The following BICC1 variants were observed in gnomAD, a reference collection of about 807,000 sequenced individuals.
The protein encoded by BICC1 is protein bicaudal C homolog 1.
Under a neutral mutation model 111.0 loss-of-function variants are expected in BICC1, and 43 were observed. The observed-to-expected ratio is 0.39, with a 90% CI of 0.30 to 0.50. The LOEUF (loss-of-function observed/expected upper bound fraction) is 0.50, where lower values mean the gene tolerates loss of function less well. BICC1 is among the 20% of genes least tolerant of loss of function. The pLI is 0.88. For missense variants in BICC1, 1,091 were observed against 1,203.2 expected (o/e 0.91, Z 1.38); for synonymous variants, 467 against 434.4 (o/e 1.07, Z -0.93).
At chr10:58,567,640 T>C (rs1350731985) in intron 1 of BICC1, among the ~76,000 whole-genome samples, 3 of 152,028 alleles carry the variant, frequency 2.0e-5, no homozygotes, top group African/African-American at 7.2e-5. Context: ...TCAGCATACT[T>C]TTTTGAGCCT....
chr10:58,536,032 A>T (rs1842817932), intron 1 of BICC1, among the ~76,000 whole-genome samples: 1 of 151,692 alleles, frequency 6.6e-6, no homozygotes, highest in Non-Finnish European at 1.5e-5. Context: ...AGATAAAATA[A>T]TTCTAAATAT....
intron 2 of BICC1, among the ~76,000 whole-genome samples, chr10:58,658,803 G>C (rs1184260865): frequency 1.3e-5 from 2 of 152,004 alleles, no homozygotes; most frequent in African/African-American, 4.8e-5. Context: ...CCTGGTTTCT[G>C]GCACAAGCAG....
At chr10:58,530,486 C>T (rs773068116) in intron 1 of BICC1, among the ~76,000 whole-genome samples, 4 of 151,602 alleles carry the variant, frequency 2.6e-5, no homozygotes, top group Non-Finnish European at 5.9e-5. Context: ...AAGACTTAGA[C>T]GTATAGATAT....
intron 3 of BICC1, among the ~76,000 whole-genome samples, chr10:58,731,911 A>G (rs563605943): frequency 5.8e-4 from 88 of 152,360 alleles, no homozygotes; most frequent in African/African-American, 2.0e-3. Flanking sequence ...TTACAATTCA[A>G]AATGAGATTT....
intron 2 of BICC1, among the ~76,000 whole-genome samples, chr10:58,653,144 A>T (rs532931701): frequency 6.6e-6 from 1 of 152,186 alleles, no homozygotes; most frequent in South Asian, 2.1e-4. Flanking sequence ...ACTCTAAAAT[A>T]TGAAGTATAT....
chr10:58,650,404 A>T (rs1255213323), intron 2 of BICC1: 1 of 152,238 alleles, frequency 6.6e-6, no homozygotes, highest in Non-Finnish European at 1.5e-5. Context: ...ATGTTAATAC[A>T]TGAGAAAGAG....
chr10:58,551,471 ATACT>A lies in BICC1; in HGVS notation c.190+38141_190+38144del, dbSNP rs139056238. On this transcript the variant is annotated intron_variant, in intron 1 of 20. Transcript: ENST00000373886. The stretch of plus-strand genomic sequence containing the variant: ...CTAATTAACATATCCATTACCTTAC[ATACT>A]TAATTTTTGTGTGTGTGGTGAACAC... Among the ~76,000 whole-genome samples, 738 of 152,292 alleles carry A rather than the reference ATACT, an allele frequency of 4.8e-3. 9 individuals carry two copies. The highest frequency in any genetic ancestry group is 0.035 in the East Asian group (183 of 5,184).
chr10:58,684,004 T>A (rs1038457459), intron 2 of BICC1, among the ~76,000 whole-genome samples: 1 of 152,222 alleles, frequency 6.6e-6, no homozygotes, highest in African/African-American at 2.4e-5. Context: ...TAAAATTGGC[T>A]GTGGATTTGT....
intron 1 of BICC1, among the ~76,000 whole-genome samples, chr10:58,586,551 G>A (rs1299580651): frequency 4.0e-5 from 6 of 150,664 alleles, no homozygotes; most frequent in Non-Finnish European, 8.9e-5. Context: ...GGGCGCGGAG[G>A]TTGCAGTGAG....
intron 3 of BICC1, among the ~76,000 whole-genome samples, chr10:58,718,546 C>G (rs1840821699): frequency 6.6e-6 from 1 of 152,092 alleles, no homozygotes; most frequent in Non-Finnish European, 1.5e-5. Context: ...ACTGTTCCCT[C>G]CTCGCCACCA....
At chr10:58,750,944 T>C (rs1841974435) in intron 3 of BICC1, among the ~76,000 whole-genome samples, 1 of 152,172 alleles carries the variant, frequency 6.6e-6, no homozygotes, top group African/African-American at 2.4e-5. Context: ...GGAAAGTCTT[T>C]TGCATCCCAA....
intron 3 of BICC1, among the ~76,000 whole-genome samples, chr10:58,764,939 C>CTT (rs1842416733): frequency 6.6e-6 from 1 of 152,150 alleles, no homozygotes; most frequent in Non-Finnish European, 1.5e-5. Context: ...AAGTTTGAAT[C>CTT]TAAGAGCTTG....
Position 58,591,948 on chromosome 10 carries a change from T to G in BICC1, c.191-28907T>G, listed in dbSNP as rs1408842635. Among the ~76,000 whole-genome samples the G allele has an allele frequency of 5.9e-5, 9 of 152,234 alleles. No homozygotes were observed. In the East Asian group the frequency reaches 1.7e-3, roughly 29 times the overall value. ...GTGCTTAGCAATGTTTCTCAAGTGG[T>G]GTTGTTTATTGTTTTTCTAGATTAT... On this transcript the variant is annotated intron_variant, in intron 1 of 20. Transcript: ENST00000373886.
At chr10:58,760,325 C>A (rs1842276316) in intron 3 of BICC1, among the ~76,000 whole-genome samples, 1 of 152,122 alleles carries the variant, frequency 6.6e-6, no homozygotes, top group Non-Finnish European at 1.5e-5. Context: ...TGTATCTATA[C>A]CTAACAGTTT....
chr10:58,696,930 C>G (rs1315856838), intron 2 of BICC1, among the ~76,000 whole-genome samples: 1 of 152,174 alleles, frequency 6.6e-6, no homozygotes, highest in Non-Finnish European at 1.5e-5. Context: ...CCCCCACCCC[C>G]CTGCTGAGAC....
intron 20 of BICC1, among the ~76,000 whole-genome samples, chr10:58,827,259 G>GA (rs1350756685): frequency 6.6e-6 from 1 of 152,182 alleles, no homozygotes. Context: ...AAAACATTAT[G>GA]AAAAGCTGGA....
At chr10:58,753,897 C>G (rs970610377) in intron 3 of BICC1, among the ~76,000 whole-genome samples, 4 of 152,056 alleles carry the variant, frequency 2.6e-5, no homozygotes, top group Non-Finnish European at 4.4e-5. Context: ...TTCTTCCCCC[C>G]CTTTACTTTT....
intron 3 of BICC1, among the ~76,000 whole-genome samples, chr10:58,732,377 A>G (rs866839996): frequency 0.044 from 206 of 4,642 alleles, 21 homozygotes; most frequent in African/African-American, 0.13. Flanking sequence ...GTGTGTGTGT[A>G]TGTATATATA....
intron 2 of BICC1, among the ~76,000 whole-genome samples, chr10:58,633,107 C>T (rs1588952315): frequency 6.6e-6 from 1 of 152,214 alleles, no homozygotes; most frequent in East Asian, 1.9e-4. Flanking sequence ...GATGTTTCCC[C>T]TATACTTTTC....
Sources: gnomAD v4.1 joint callset for allele counts (sites outside exome capture counted in the v4.1 genomes callset) on GRCh38, gnomAD v4.1.1 for gene constraint, MANE v1.5 for transcripts, NCBI Gene and HGNC (gene_info 2026-07-23, HGNC 2026-07-21) for gene names.